The following SAMSN1 variants were observed in gnomAD, a reference collection of about 807,000 sequenced individuals.
The protein encoded by SAMSN1 is SAM domain, SH3 domain and nuclear localization signals 1.
A neutral mutation model predicts 42.0 loss-of-function variants in SAMSN1; 31 were observed. The ratio of observed to expected loss-of-function variants is 0.74; its 90% confidence interval spans 0.55 to 1.00. The LOEUF is 1.00. Ranked by LOEUF, SAMSN1 falls within the 50% of genes least tolerant of loss-of-function variation. The pLI is 0.00. For synonymous variants in SAMSN1, 178 were observed against 151.9 expected (o/e 1.17, Z -1.26); for missense variants, 464 against 439.4 (o/e 1.06, Z -0.50).
chr21:14,657,454 T>A (rs1473840748), intron 1 of SAMSN1, among the ~76,000 whole-genome samples: 1 of 151,874 alleles, frequency 6.6e-6, no homozygotes, highest in East Asian at 1.9e-4. Context: ...AAGCTCATTA[T>A]ATGGTTATAT....
At chr21:14,630,385 CTT>C (rs59632143) in intron 2 of SAMSN1, among the ~76,000 whole-genome samples, 10 of 142,140 alleles carry the variant, frequency 7.0e-5, no homozygotes, top group Non-Finnish European at 7.7e-5. Context: ...TGCTTTACAG[CTT>C]TTTTTTTTTT....
chr21:14,542,503 GA>G (rs1264427272), intron 1 of SAMSN1, among the ~76,000 whole-genome samples: 5 of 152,086 alleles, frequency 3.3e-5, no homozygotes, highest in African/African-American at 1.2e-4. Flanking sequence ...ATTTTAGTTG[GA>G]AAAACAGACA....
intron 1 of SAMSN1, among the ~76,000 whole-genome samples, 198 bp downstream of exon 1, chr21:14,546,007 T>C (rs576731097): frequency 2.2e-4 from 34 of 152,234 alleles, no homozygotes; most frequent in Non-Finnish European, 2.8e-4. Context: ...AAGACAAAAT[T>C]ACAGAGACAA....
At chr21:14,515,006 A>G (rs573736401) in intron 3 of SAMSN1, among the ~76,000 whole-genome samples, 9 of 152,210 alleles carry the variant, frequency 5.9e-5, no homozygotes, top group Non-Finnish European at 1.3e-4. Context: ...AGGGATGAGA[A>G]AGAAAGCAGA....
chr21:14,577,284 A>ATATATATTTTTT (rs1460040142), intron 2 of SAMSN1, among the ~76,000 whole-genome samples: 2 of 53,856 alleles, frequency 3.7e-5, no homozygotes, highest in African/African-American at 1.7e-4. Flanking sequence ...ATATATATAT[A>ATATATATTTTTT]TTTTTTTTTT....
intron 7 of SAMSN1, among the ~76,000 whole-genome samples, chr21:14,490,939 C>T (rs990218249): frequency 2.6e-5 from 4 of 152,164 alleles, no homozygotes; most frequent in Non-Finnish European, 4.4e-5. Flanking sequence ...CAGCACCTAC[C>T]TGGGCAATCT....
At chr21:14,525,333 AG>A (rs1411492048) in intron 1 of SAMSN1, among the ~76,000 whole-genome samples, 2 of 152,250 alleles carry the variant, frequency 1.3e-5, no homozygotes, top group Admixed American at 6.5e-5. Context: ...GGAAAAAAAG[AG>A]ACAGAAGAGC....
At chr21:14,552,010 T>C (rs1362725767) in intron 2 of SAMSN1, among the ~76,000 whole-genome samples, 2 of 152,126 alleles carry the variant, frequency 1.3e-5, no homozygotes, top group African/African-American at 4.8e-5. Flanking sequence ...GGGAGGGTAA[T>C]GTTGAGTTGC....
chr21:14,527,633 C>T (rs555673406), intron 1 of SAMSN1, among the ~76,000 whole-genome samples: 3 of 152,116 alleles, frequency 2.0e-5, no homozygotes, highest in African/African-American at 4.8e-5. Flanking sequence ...GATTCCACCA[C>T]GGTTTTACAA....
chr21:14,513,491 A>C (rs1015597658), intron 3 of SAMSN1, among the ~76,000 whole-genome samples: 1 of 150,710 alleles, frequency 6.6e-6, no homozygotes, highest in Non-Finnish European at 1.5e-5. Flanking sequence ...AGGATATTCT[A>C]TTGTGTTAGC....
chr21:14,575,084 T>G (rs1378295282), intron 2 of SAMSN1, among the ~76,000 whole-genome samples: 3 of 152,196 alleles, frequency 2.0e-5, no homozygotes, highest in Non-Finnish European at 4.4e-5. Flanking sequence ...ACATGCATAC[T>G]TCTAAGCTCT....
Position 14,512,564 on chromosome 21 carries a change from C to G in SAMSN1, c.289G>C (p.Asp97His). The change falls in exon 4 of 8, where the codon GAT becomes CAT. Residue 97 changes from aspartate to histidine, a missense_variant. By Grantham distance (81) the Asp-to-His change is moderately conservative. Coordinates refer to ENST00000400566, the MANE Select transcript of SAMSN1 (RefSeq NM_022136.5). ...CTATATGGGTGGGCATTCTCTCCAT[C>G]TTCCTCATCCTTCAGAAAACATATC... ...KALSEEKDEE[D>H]GENAHPYRNS... 1 of 1,613,884 alleles carries G rather than the reference C, an allele frequency of 6.2e-7. No homozygotes were observed. Among genetic ancestry groups the G allele is most frequent in the Non-Finnish European group, 8.5e-7 (1 of 1,179,772 alleles).
At chr21:14,548,795 A>G (rs990216040), upstream of SAMSN1, among the ~76,000 whole-genome samples, 46 of 152,224 alleles carry the variant, frequency 3.0e-4, no homozygotes, top group African/African-American at 1.1e-3. Context: ...GGACACCGAG[A>G]TATTTAGTGA....
intron 7 of SAMSN1, among the ~76,000 whole-genome samples, chr21:14,590,381 G>T (rs1041658075): frequency 1.3e-5 from 2 of 152,016 alleles, no homozygotes; most frequent in African/African-American, 4.8e-5. Flanking sequence ...GAGCTCAGGA[G>T]GTCCTCCCAT....
At chr21:14,606,494 C>A (rs1364926420) in intron 5 of SAMSN1, among the ~76,000 whole-genome samples, 2 of 151,978 alleles carry the variant, frequency 1.3e-5, no homozygotes, top group South Asian at 4.1e-4. Flanking sequence ...AAAGTTTGTT[C>A]TTCTCAATTC....
intron 2 of SAMSN1, among the ~76,000 whole-genome samples, chr21:14,616,810 A>G (rs1982849176): frequency 6.6e-6 from 1 of 151,934 alleles, no homozygotes; most frequent in South Asian, 2.1e-4. Flanking sequence ...TTTGAGGGGG[A>G]AAAACACAAA....
At chr21:14,549,942 C>A (rs1472827515), upstream of SAMSN1, among the ~76,000 whole-genome samples, 1 of 151,070 alleles carries the variant, frequency 6.6e-6, no homozygotes, top group East Asian at 1.9e-4. Flanking sequence ...AAAAAAAACT[C>A]TTTCTTTCTC....
chr21:14,573,616 C>G (rs1004318099), intron 2 of SAMSN1, among the ~76,000 whole-genome samples: 1 of 152,200 alleles, frequency 6.6e-6, no homozygotes, highest in Non-Finnish European at 1.5e-5. Context: ...CAGGCATCAT[C>G]TGAAGAAAAT....
intron 1 of SAMSN1, among the ~76,000 whole-genome samples, chr21:14,522,661 C>T (rs902294772): frequency 2.0e-5 from 3 of 152,162 alleles, no homozygotes; most frequent in African/African-American, 7.2e-5. Flanking sequence ...ATCTACTTTT[C>T]ATCACAAAAA....
Sources: allele counts gnomAD v4.1 joint callset (sites outside exome capture counted in the v4.1 genomes callset), GRCh38; gene constraint gnomAD v4.1.1; transcripts MANE v1.5; gene names NCBI Gene and HGNC (gene_info 2026-07-23, HGNC 2026-07-21).